Variants in BMPR1B observed in about 807,000 individuals in gnomAD.
BMPR1B encodes bone morphogenetic protein receptor type-1B.
In BMPR1B, 12 loss-of-function variants were observed where a neutral mutation model predicts 59.1. The ratio of observed to expected loss-of-function variants is 0.20; its 90% CI spans 0.13 to 0.33. The LOEUF is 0.33. Ranked by LOEUF, BMPR1B falls within the 10% of genes least tolerant of loss-of-function variation. The pLI, the probability that BMPR1B is intolerant of heterozygous loss-of-function variation, is 1.00. For missense variants in BMPR1B, 550 were observed against 610.9 expected (o/e 0.90, Z 1.05); for synonymous variants, 237 against 207.3 (o/e 1.14, Z -1.23).
chr4:95,119,465 C>T (rs1265373779), intron 6 of BMPR1B, among the ~76,000 whole-genome samples: 1 of 152,132 alleles, frequency 6.6e-6, no homozygotes, highest in East Asian at 1.9e-4. Context: ...GCCTGCATAA[C>T]ATTAAGAGCT....
intron 1 of BMPR1B, among the ~76,000 whole-genome samples, chr4:94,863,667 T>C (rs939405342): frequency 2.0e-5 from 3 of 152,250 alleles, no homozygotes; most frequent in Admixed American, 6.5e-5. Context: ...TTTTATGATA[T>C]GATTTTTCTT....
At chr4:94,977,912 G>A (rs1421028439) in intron 2 of BMPR1B, among the ~76,000 whole-genome samples, 2 of 152,300 alleles carry the variant, frequency 1.3e-5, no homozygotes, top group Non-Finnish European at 2.9e-5. Flanking sequence ...TTCTTAGCTA[G>A]GTAGTTGGAG....
At chr4:94,817,334 C>G (rs1282257162) in intron 1 of BMPR1B, among the ~76,000 whole-genome samples, 2 of 152,184 alleles carry the variant, frequency 1.3e-5, no homozygotes, top group Admixed American at 1.3e-4. Context: ...CAGTTTAATT[C>G]TGAGAAGAAT....
intron 1 of BMPR1B, among the ~76,000 whole-genome samples, chr4:94,847,106 A>T (rs1483006412): frequency 2.0e-5 from 3 of 152,216 alleles, no homozygotes; most frequent in African/African-American, 7.2e-5. Flanking sequence ...ATGGGAAAAA[A>T]TCTGATCAAA....
rs771544268 is a variant in BMPR1B, at chr4:94,770,180, G to GGTTTTTTT, written c.-183+12112_-183+12113insGTTTTTTT. ...TTTGTTTGAATTGTCCTTCGTTTCT[G>GGTTTTTTT]TGTTTGTTTTTTTTTTTTTTTTTTG... On this transcript the variant is annotated intron_variant, in intron 1 of 12. Coordinates refer to ENST00000515059, the MANE Select transcript of BMPR1B (RefSeq NM_001203.3). 8.8e-3 allele frequency among the ~76,000 whole-genome samples: 929 copies of GGTTTTTTT among 105,974 alleles called. 19 individuals carry two copies. Among genetic ancestry groups the GGTTTTTTT allele is most frequent in the African/African-American group, 0.023 (551 of 24,044 alleles). The allele number at this position is 105,974 out of a possible 152,430, so 69.5% of individuals were successfully genotyped here. A position where few individuals can be genotyped will look rare whatever the true frequency, so the allele number is the denominator to read the frequency against.
At chr4:94,911,698 A>C (rs897156627) in intron 2 of BMPR1B, among the ~76,000 whole-genome samples, 7 of 152,172 alleles carry the variant, frequency 4.6e-5, no homozygotes, top group African/African-American at 1.7e-4. Flanking sequence ...GATATCTCAA[A>C]GTTGGAGATA....
chr4:95,060,226 A>G (rs59406142), intron 3 of BMPR1B, among the ~76,000 whole-genome samples: 6,279 of 152,122 alleles, frequency 0.041, 441 homozygotes, highest in African/African-American at 0.14. Context: ...AGCTATCCCA[A>G]GAGAGTTTGT....
At chr4:94,800,205 T>C (rs536167219) in intron 1 of BMPR1B, among the ~76,000 whole-genome samples, 1 of 152,338 alleles carries the variant, frequency 6.6e-6, no homozygotes, top group Non-Finnish European at 1.5e-5. Context: ...TAAGCCAAGA[T>C]TTACTGTTTT....
At chr4:95,073,734 T>C (rs761482541) in intron 3 of BMPR1B, among the ~76,000 whole-genome samples, 1 of 152,194 alleles carries the variant, frequency 6.6e-6, no homozygotes, top group Non-Finnish European at 1.5e-5. Flanking sequence ...TGTTTACAGT[T>C]CCACTTAGTC....
At chr4:95,033,018 T>C (rs2149160140) in intron 3 of BMPR1B, among the ~76,000 whole-genome samples, 1 of 152,288 alleles carries the variant, frequency 6.6e-6, no homozygotes, top group East Asian at 1.9e-4. Flanking sequence ...TACCCATTCA[T>C]GTGAGGTAGT....
chr4:94,902,247 CACAG>C (rs1280205206), intron 2 of BMPR1B, among the ~76,000 whole-genome samples: 1,662 of 84,490 alleles, frequency 0.02, 8 homozygotes, highest in East Asian at 0.043. Flanking sequence ...CACACACACA[CACAG>C]AGAGAGAGAG....
intron 2 of BMPR1B, among the ~76,000 whole-genome samples, chr4:94,883,729 G>A (rs1379850266): frequency 1.3e-5 from 2 of 152,094 alleles, no homozygotes; most frequent in Non-Finnish European, 2.9e-5. Flanking sequence ...TCAATTTGCA[G>A]TTAAGCTATT....
chr4:95,150,236 A>C (rs1432911961), intron 11 of BMPR1B, among the ~76,000 whole-genome samples: 1 of 152,206 alleles, frequency 6.6e-6, no homozygotes, highest in Non-Finnish European at 1.5e-5. Context: ...ATTTTCTCTA[A>C]CCAGATATTG....
chr4:94,916,510 A>G (rs936499434), intron 2 of BMPR1B, among the ~76,000 whole-genome samples: 1 of 152,206 alleles, frequency 6.6e-6, no homozygotes, highest in Non-Finnish European at 1.5e-5. Flanking sequence ...TGAACTTAGG[A>G]GTGATGACCT....
chr4:94,860,998 G>C (rs1407337778), intron 1 of BMPR1B, among the ~76,000 whole-genome samples: 1 of 151,112 alleles, frequency 6.6e-6, no homozygotes, highest in African/African-American at 2.5e-5. Flanking sequence ...GCTTTTATAT[G>C]TCTTTCTCTT....
At chr4:95,146,018 G>A (rs1734615139) in intron 10 of BMPR1B, among the ~76,000 whole-genome samples, 1 of 152,096 alleles carries the variant, frequency 6.6e-6, no homozygotes, top group Non-Finnish European at 1.5e-5. Flanking sequence ...CCTGTCATGT[G>A]CAAGACACAC....
chr4:94,957,195 T>C lies in BMPR1B; in HGVS notation c.-112-38845T>C, dbSNP rs527561459. 2.6e-5 allele frequency among the ~76,000 whole-genome samples: 4 copies of C among 152,284 alleles called. No homozygotes were observed. The South Asian group carries it at 8.3e-4, about 32-fold the overall frequency. ...GGATTAGTGTTAACAATCCTGTGTT[T>C]GAGCATGCCTGTGAAACTCGATGCC... On this transcript the variant is annotated intron_variant, in intron 2 of 12. Transcript: ENST00000515059.
At chr4:94,789,230 G>A (rs1722876648) in intron 1 of BMPR1B, among the ~76,000 whole-genome samples, 1 of 152,176 alleles carries the variant, frequency 6.6e-6, no homozygotes, top group African/African-American at 2.4e-5. Context: ...AGCTCATGAG[G>A]CACCCACTTA....
intron 1 of BMPR1B, among the ~76,000 whole-genome samples, chr4:94,850,942 T>C (rs1296212738): frequency 6.6e-6 from 1 of 152,228 alleles, no homozygotes; most frequent in Non-Finnish European, 1.5e-5. Flanking sequence ...CTGTGGCTAG[T>C]GCAATGACTG....
Sources: gnomAD v4.1 joint callset for allele counts (sites outside exome capture counted in the v4.1 genomes callset) on GRCh38, gnomAD v4.1.1 for gene constraint, MANE v1.5 for transcripts, NCBI Gene and HGNC (gene_info 2026-07-23, HGNC 2026-07-21) for gene names.